Variants in DNAH5 observed in about 807,000 individuals in gnomAD.
The protein encoded by DNAH5 is dynein axonemal heavy chain 5.
DNAH5 carries 372 observed loss-of-function variants against 518.2 expected under a neutral mutation model. The observed-to-expected ratio is 0.72, with a 90% CI of 0.66 to 0.78. The LOEUF (loss-of-function observed/expected upper bound fraction) is 0.78. DNAH5 is among the 30% of genes least tolerant of loss of function. The pLI, the probability that DNAH5 is intolerant of heterozygous loss-of-function variation, is 0.00. For missense variants in DNAH5, 5,523 were observed against 5,687.0 expected, an observed-to-expected ratio of 0.97 and a Z score of 0.93; for synonymous variants, 2,039 against 2,025.9, an observed-to-expected ratio of 1.01 and a Z score of -0.17.
At chr5:13,805,101 T>A (rs1759375911) in intron 47 of DNAH5, among the ~76,000 whole-genome samples, 1 of 152,074 alleles carries the variant, frequency 6.6e-6, no homozygotes, top group Non-Finnish European at 1.5e-5. Context: ...CTCATACCAC[T>A]CATGCCAACC....
chr5:13,760,751 T>G (rs1412688310), intron 60 of DNAH5, among the ~76,000 whole-genome samples: 1 of 152,234 alleles, frequency 6.6e-6, no homozygotes, highest in African/African-American at 2.4e-5. Context: ...ACCTGGAATT[T>G]AGGGAATGCC....
At chr5:13,861,627 G>A in intron 29 of DNAH5, among the ~76,000 whole-genome samples, 1 of 152,176 alleles carries the variant, frequency 6.6e-6, no homozygotes, top group South Asian at 2.1e-4. Context: ...TCCAAAATGT[G>A]AGGGGTGGCC....
Position 13,901,420 on chromosome 5 carries a change from C to A in DNAH5, c.1884G>T (p.Leu628Phe). 6.2e-7 allele frequency: 1 copy of A among 1,614,078 alleles called. No homozygotes were observed. Among genetic ancestry groups the A allele is most frequent in the Non-Finnish European group, 8.5e-7 (1 of 1,180,008 alleles). The change falls in exon 14 of 79, where the codon TTG (leucine) becomes TTT (phenylalanine). Residue 628 changes from leucine to phenylalanine, a missense_variant. Physicochemically the swap from Leu to Phe is conservative, Grantham distance 22. Around this residue, in one of 3 missense-constraint regions of DNAH5, gnomAD observed 5,121 missense variants for 5,223.3 expected, o/e 0.98. Transcript: ENST00000265104. ...RNQPPIAGKI[L>F]WARQLFHRIQ... ...TCCTATGGAAGAGCTGGCGGGCCCA[C>A]AAAATCTTTCCAGCGATGGGAGGCT... is the stretch of plus-strand genomic sequence containing the variant.
chr5:13,890,864 C>G (rs1175814755), intron 17 of DNAH5, 112 bp downstream of exon 17: 2 of 1,170,680 alleles, frequency 1.7e-6, no homozygotes, highest in Non-Finnish European at 2.5e-6. Flanking sequence ...ACTTCTATCA[C>G]AGAGCACTGC....
In DNAH5 at chr5:13,870,667, T is replaced by C. The variant is rs550899946; in HGVS notation, c.3834+100A>G. ...TATTGAAATTATTGTCTTGGTTTAG[T>C]AACCATTTAGTAACTTCACTCCAGA... On this transcript the variant is annotated intron_variant, in intron 24 of 78. Coordinates refer to ENST00000265104, the MANE Select transcript of DNAH5 (RefSeq NM_001369.3). 3.7e-5 allele frequency: 40 copies of C among 1,079,142 alleles called. No individual in the cohort carries two copies. In the South Asian group the frequency reaches 5.0e-4, roughly 14 times the overall value. The allele number at this position is 1,079,142 out of a possible 1,614,324, so 66.8% of individuals were successfully genotyped here.
In DNAH5 at chr5:13,901,560, T is replaced by C; in HGVS notation, c.1744A>G (p.Asn582Asp). ...LKKFERLNIPNLGIDDKYQLI... is the reference protein window; with the variant it reads ...LKKFERLNIPDLGIDDKYQLI... ...TGATATTTGTCATCAATACCAAGAT[T>C]AGGTATATTCAATCTGATTTTTTTA... Residue 582 changes from asparagine (N) to aspartate (D), a missense_variant, in exon 14 of 79, where the codon AAT becomes GAT. Asn to Asp is a conservative substitution (Grantham distance 23, BLOSUM62 1). Around this residue, in one of 3 missense-constraint regions of DNAH5, gnomAD observed 5,121 missense variants for 5,223.3 expected, o/e 0.98. Transcript: ENST00000265104. 6.2e-7 allele frequency: 1 copy of C among 1,611,542 alleles called. No individual in the cohort carries two copies.
At chr5:13,839,308 A>C in intron 35 of DNAH5, 48 bp downstream of exon 35, 20 of 1,545,656 alleles carry the variant, frequency 1.3e-5, no homozygotes, top group South Asian at 3.3e-5. Context: ...CCCCTGAGCA[A>C]CTCGAGAGAA....
At chr5:13,711,775 A>C (rs1444666240) in intron 75 of DNAH5, among the ~76,000 whole-genome samples, 1 of 152,222 alleles carries the variant, frequency 6.6e-6, no homozygotes, top group Non-Finnish European at 1.5e-5. Flanking sequence ...CTTTTACAAT[A>C]GCTGCAAAAA....
intron 19 of DNAH5, among the ~76,000 whole-genome samples, chr5:13,883,789 C>T (rs372467074): frequency 5.9e-5 from 9 of 152,094 alleles, no homozygotes; most frequent in South Asian, 4.2e-4. Flanking sequence ...CTAATAATAA[C>T]GCTGTGCCAA....
At chr5:13,772,166 T>G (rs1478471056) in intron 55 of DNAH5, among the ~76,000 whole-genome samples, 1 of 152,184 alleles carries the variant, frequency 6.6e-6, no homozygotes, top group African/African-American at 2.4e-5. Flanking sequence ...GTGTAGGTGT[T>G]AACCACAATG....
intron 6 of DNAH5, among the ~76,000 whole-genome samples, 163 bp downstream of exon 6, chr5:13,920,317 T>C (rs952362304): frequency 6.6e-6 from 1 of 152,242 alleles, no homozygotes; most frequent in African/African-American, 2.4e-5. Context: ...CTACCTCTTC[T>C]TAATTCATGA....
chr5:13,927,016 T>A (rs1301906880), intron 3 of DNAH5, among the ~76,000 whole-genome samples: 1 of 152,204 alleles, frequency 6.6e-6, no homozygotes, highest in East Asian at 1.9e-4. Context: ...AGTCTTACTA[T>A]ATGCCAAGAG....
At chr5:13,834,820 TA>T (rs1242895123) in intron 35 of DNAH5, among the ~76,000 whole-genome samples, 5 of 152,214 alleles carry the variant, frequency 3.3e-5, no homozygotes, top group Admixed American at 6.5e-5. Context: ...GGCCAGATTG[TA>T]CCAGGCCTCA....
At chr5:13,996,813 C>T (rs1783996515) in intron 1 of DNAH5, among the ~76,000 whole-genome samples, 1 of 152,224 alleles carries the variant, frequency 6.6e-6, no homozygotes, top group Non-Finnish European at 1.5e-5. Flanking sequence ...ACTGATGGCT[C>T]TATAATTCTG....
Position 13,717,387 on chromosome 5 carries a change from T to C in DNAH5, c.12633A>G (p.Glu4211=). ...TGGCATTAAAGTCCGCTTGGTTAAA[T>C]TCGTAGGGGATATTCCACCCCAGGG... ...FGALGWNIPY[E]FNQADFNATV... The change falls in exon 73 of 79, where the codon GAA becomes GAG. Residue 4211 remains glutamate, a synonymous_variant. Transcript: ENST00000265104. The C allele has an allele frequency of 6.2e-7, 1 of 1,614,052 alleles. No individual in the cohort carries two copies. Among genetic ancestry groups the C allele is most frequent in the Non-Finnish European group, 8.5e-7 (1 of 1,180,004 alleles).
At position 13,814,601 on chromosome 5, in the gene DNAH5, A is replaced by T; in HGVS notation, c.7230+4T>A. 1 of 1,613,642 alleles carries T rather than the reference A, an allele frequency of 6.2e-7. No individual in the cohort carries two copies. On this transcript the variant is annotated splice_donor_region_variant and intron_variant, in intron 43 of 78. Coordinates refer to ENST00000265104, the MANE Select transcript of DNAH5 (RefSeq NM_001369.3). The stretch of plus-strand genomic sequence containing the variant: ...AATTATACAAAAGAAGGATTCAATT[A>T]TACCTCAAGAATAGGACTCCAATCA...
chr5:13,795,296 C>T lies in DNAH5; in HGVS notation c.7888-1238G>A, dbSNP rs537502290. Among the ~76,000 whole-genome samples the T allele has an allele frequency of 1.6e-3, 242 of 151,734 alleles. 1 individual carries two copies. The highest frequency in any genetic ancestry group is 3.4e-3 in the Middle Eastern group (1 of 294). On this transcript the variant is annotated intron_variant, in intron 47 of 78. Transcript: ENST00000265104. ...TGAAAAGATCAACAAAATTGATAGA[C>T]GGCTAGCAAGATTAATAAAGAAGAA...
chr5:13,826,298 C>G (rs1415316287), intron 38 of DNAH5, among the ~76,000 whole-genome samples: 2 of 152,088 alleles, frequency 1.3e-5, no homozygotes, highest in Admixed American at 6.6e-5. Flanking sequence ...GAGCAGGAGC[C>G]AGTGATGTGG....
At position 13,788,760 on chromosome 5, in the gene DNAH5, T is replaced by C; in HGVS notation, c.8603A>G (p.Asp2868Gly). 6.2e-7 allele frequency: 1 copy of C among 1,614,134 alleles called. No individual in the cohort carries two copies. Among genetic ancestry groups the C allele is most frequent in the Non-Finnish European group, 8.5e-7 (1 of 1,180,014 alleles). The change falls in exon 51 of 79, where the codon GAC becomes GGC. Residue 2868 changes from aspartate to glycine, a missense_variant. Asp to Gly is a moderately conservative substitution (Grantham distance 94, BLOSUM62 -1). This residue lies in a region of DNAH5 where 5,121 missense variants were observed against 5,223.3 expected (regional missense o/e 0.98). Transcript: ENST00000265104. ...TCTCAAGAAATCCACAAAATATGTG[T>C]CAATTCCACAATCCACCAAGAGTTT... ...EKKLLVDCGI[D>G]TYFVDFLRDA...
Sources: gnomAD v4.1 joint callset for allele counts (sites outside exome capture counted in the v4.1 genomes callset) on GRCh38, gnomAD v4.1.1 for gene constraint, gnomAD v4.1.1 regional missense constraint, MANE v1.5 for transcripts, NCBI Gene and HGNC (gene_info 2026-07-23, HGNC 2026-07-21) for gene names.